SDK2: variants seen among roughly 807,000 people sequenced by gnomAD.
The protein encoded by SDK2 is protein sidekick-2.
A neutral mutation model predicts 253.9 loss-of-function variants in SDK2; 105 were observed. The ratio of observed to expected loss-of-function variants is 0.41; its 90% confidence interval spans 0.35 to 0.49. The LOEUF (loss-of-function observed/expected upper bound fraction) is 0.49, where lower values mean the gene tolerates loss of function less well. Ranked by LOEUF, SDK2 falls within the 20% of genes least tolerant of loss-of-function variation. The pLI, the probability that SDK2 is intolerant of heterozygous loss-of-function variation, is 0.06. For missense variants in SDK2, 2,608 were observed against 3,003.0 expected, an observed-to-expected ratio of 0.87 and a Z score of 3.07; for synonymous variants, 1,249 against 1,234.9, an observed-to-expected ratio of 1.01 and a Z score of -0.24.
chr17:73,598,986 A>G (rs2045799338), intron 1 of SDK2, among the ~76,000 whole-genome samples: 1 of 152,272 alleles, frequency 6.6e-6, no homozygotes, highest in Admixed American at 6.5e-5. Context: ...GATCCCCAAT[A>G]GATGAGAGTG....
In SDK2 at chr17:73,377,229, T is replaced by C. The variant is rs2145460488; in HGVS notation, c.4980+1948A>G. Among the ~76,000 whole-genome samples the C allele has an allele frequency of 1.3e-5, 2 of 151,330 alleles. 1 individual carries two copies. The highest frequency in any genetic ancestry group is 4.2e-4 in the South Asian group (2 of 4,742). On this transcript the variant is annotated intron_variant, in intron 36 of 44. Transcript: ENST00000392650. Reference sequence around the variant, plus strand: ...CATTCCTTTTTTTTTTTTCTTTTTTTTTTTTTGGAGACAGAGTCTTGCTCT... The same window carrying C: ...CATTCCTTTTTTTTTTTTCTTTTTTCTTTTTTGGAGACAGAGTCTTGCTCT...
rs912977466 is a variant in SDK2, at chr17:73,639,010, A to G, written c.64+5015T>C. ...TTTTTAATAGAGATGGGGTTTCCCCACGTTGGCCAGGCTGGTCTCGAACTC... is the reference window on the plus strand; with the variant it reads ...TTTTTAATAGAGATGGGGTTTCCCCGCGTTGGCCAGGCTGGTCTCGAACTC... On this transcript the variant is annotated intron_variant, in intron 1 of 44. Coordinates refer to ENST00000392650, the MANE Select transcript of SDK2 (RefSeq NM_001144952.2). The surrounding 1 kb of genome is among the most constrained non-coding windows in gnomAD (Gnocchi z 4.3). Among the ~76,000 whole-genome samples the G allele has an allele frequency of 1.3e-5, 2 of 152,064 alleles. No homozygotes were observed. Among genetic ancestry groups the G allele is most frequent in the Admixed American group, 1.3e-4 (2 of 15,274 alleles).
chr17:73,566,319 A>ATGTGTGTGTG (rs55940592), intron 1 of SDK2, among the ~76,000 whole-genome samples: 47 of 139,412 alleles, frequency 3.4e-4, no homozygotes, highest in African/African-American at 8.8e-4. Flanking sequence ...TTATATATAT[A>ATGTGTGTGTG]TGTGTGTGTG....
intron 8 of SDK2, among the ~76,000 whole-genome samples, chr17:73,437,183 C>A (rs1265553678): frequency 6.6e-6 from 1 of 152,178 alleles, no homozygotes; most frequent in Non-Finnish European, 1.5e-5. Flanking sequence ...TGTGCACGCT[C>A]TTCTCTCTTT....
At chr17:73,558,064 C>T (rs930539047) in intron 1 of SDK2, among the ~76,000 whole-genome samples, 3 of 152,258 alleles carry the variant, frequency 2.0e-5, no homozygotes, top group Non-Finnish European at 4.4e-5. Context: ...CCATCCCCAA[C>T]ACCATGGGCT....
At chr17:73,603,605 T>C (rs2045870237) in intron 1 of SDK2, among the ~76,000 whole-genome samples, 1 of 152,212 alleles carries the variant, frequency 6.6e-6, no homozygotes, top group Admixed American at 6.5e-5. Flanking sequence ...TCTATAAACA[T>C]GGCAGCAGCC....
chr17:73,434,235 C>T (rs1185064369), intron 9 of SDK2, among the ~76,000 whole-genome samples: 1 of 152,222 alleles, frequency 6.6e-6, no homozygotes, highest in African/African-American at 2.4e-5. Context: ...GAAAAACAGC[C>T]ACAGCCAAGA....
At chr17:73,494,331 C>T (rs1323874838) in intron 2 of SDK2, among the ~76,000 whole-genome samples, 8 of 152,114 alleles carry the variant, frequency 5.3e-5, no homozygotes, top group Admixed American at 4.6e-4. Context: ...TGGATGCCAG[C>T]TGAGGTGTTC....
At chr17:73,580,466 C>A (rs952149924) in intron 1 of SDK2, among the ~76,000 whole-genome samples, 3 of 152,248 alleles carry the variant, frequency 2.0e-5, no homozygotes, top group African/African-American at 7.2e-5. Flanking sequence ...GCCTTCCTGA[C>A]CAGCACTGGC....
At chr17:73,498,737 C>T (rs2145741857) in intron 2 of SDK2, among the ~76,000 whole-genome samples, 1 of 152,144 alleles carries the variant, frequency 6.6e-6, no homozygotes, top group Non-Finnish European at 1.5e-5. Flanking sequence ...CAGTGTGGGG[C>T]CTGGCATGAG....
chr17:73,484,649 T>C (rs2063758991), intron 2 of SDK2, among the ~76,000 whole-genome samples: 1 of 151,960 alleles, frequency 6.6e-6, no homozygotes, highest in Admixed American at 6.6e-5. Flanking sequence ...CTGCCAGGAG[T>C]CTGAGTCAAG....
At chr17:73,503,826 C>T (rs1157935540) in intron 2 of SDK2, among the ~76,000 whole-genome samples, 1 of 152,170 alleles carries the variant, frequency 6.6e-6, no homozygotes, top group African/African-American at 2.4e-5. Flanking sequence ...CTGAGCTGGG[C>T]CAATCAGAAT....
chr17:73,358,856 G>A (rs1016736779), intron 39 of SDK2, among the ~76,000 whole-genome samples: 1 of 152,116 alleles, frequency 6.6e-6, no homozygotes, highest in African/African-American at 2.4e-5. Context: ...GGAAGGACTG[G>A]GCCCCATGCC....
chr17:73,506,844 T>C (rs1297297535), intron 2 of SDK2, among the ~76,000 whole-genome samples: 2 of 152,228 alleles, frequency 1.3e-5, no homozygotes, highest in Non-Finnish European at 2.9e-5. Flanking sequence ...TCTCTTTCCC[T>C]GCTCTTCCTT....
At chr17:73,551,745 G>A (rs998180815) in intron 1 of SDK2, among the ~76,000 whole-genome samples, 5 of 152,082 alleles carry the variant, frequency 3.3e-5, no homozygotes, top group South Asian at 2.1e-4. Flanking sequence ...GCTTACACAC[G>A]CAGAGCTTCT....
At position 73,481,620 on chromosome 17, in the gene SDK2, C is replaced by T. The variant is rs551935642; in HGVS notation, c.225-9402G>A. 6.6e-4 allele frequency among the ~76,000 whole-genome samples: 101 copies of T among 152,284 alleles called. 1 individual carries two copies. Among genetic ancestry groups the T allele is most frequent in the Non-Finnish European group, 1.2e-3 (81 of 68,026 alleles). ...AGGACGTAGCCGGATCCCTCACCAA[C>T]GCAGGACGGAACCATCCAATCCACT... is the stretch of plus-strand genomic sequence containing the variant. On this transcript the variant is annotated intron_variant, in intron 2 of 44. Coordinates refer to ENST00000392650, the MANE Select transcript of SDK2 (RefSeq NM_001144952.2). The surrounding 1 kb of genome is among the most constrained non-coding windows in gnomAD (Gnocchi z 4.5).
intron 40 of SDK2, among the ~76,000 whole-genome samples, chr17:73,354,254 G>A (rs191190109): frequency 1.1e-4 from 16 of 152,314 alleles, no homozygotes; most frequent in African/African-American, 1.4e-4. Context: ...CTGTGCTGGC[G>A]TCAGCCACCT....
At chr17:73,430,454 G>A in intron 12 of SDK2, 57 bp downstream of exon 12, 1 of 1,310,848 alleles carries the variant, frequency 7.6e-7, no homozygotes, top group East Asian at 2.5e-5. Context: ...CCAGCTACAA[G>A]CTATTGCCAG....
chr17:73,343,775 G>A (rs532285327), intron 44 of SDK2, among the ~76,000 whole-genome samples: 1 of 152,360 alleles, frequency 6.6e-6, no homozygotes, highest in South Asian at 2.1e-4. Context: ...CAGCCCAAAG[G>A]ATCTGGCACC....
Sources: allele counts gnomAD v4.1 joint callset (sites outside exome capture counted in the v4.1 genomes callset), GRCh38; gene constraint gnomAD v4.1.1; non-coding constraint Gnocchi (gnomAD v3.1); transcripts MANE v1.5; gene names NCBI Gene and HGNC (gene_info 2026-07-23, HGNC 2026-07-21).